The following PCDH9 variants were observed in gnomAD, a reference collection of about 807,000 sequenced individuals.
PCDH9 encodes protocadherin-9.
In PCDH9, 24 loss-of-function variants were observed where a neutral mutation model predicts 70.6. The ratio of observed to expected loss-of-function variants is 0.34; its 90% CI spans 0.25 to 0.48. The LOEUF is 0.48. Among genes scored for constraint, PCDH9 ranks in the 20% least tolerant of loss-of-function variants. The pLI, the probability that PCDH9 is intolerant of heterozygous loss-of-function variation, is 0.99. For missense variants in PCDH9, 1,281 were observed against 1,503.6 expected, an observed-to-expected ratio of 0.85 and a Z score of 2.45; for synonymous variants, 562 against 558.5, an observed-to-expected ratio of 1.01 and a Z score of -0.09.
chr13:66,396,139 G>C (rs1957097645), intron 4 of PCDH9, among the ~76,000 whole-genome samples: 1 of 152,134 alleles, frequency 6.6e-6, no homozygotes, highest in Non-Finnish European at 1.5e-5. Flanking sequence ...TTTAGGTATA[G>C]GGATGTTAAG....
At chr13:66,707,929 A>C (rs1354540247) in intron 3 of PCDH9, among the ~76,000 whole-genome samples, 4 of 152,308 alleles carry the variant, frequency 2.6e-5, no homozygotes, top group Non-Finnish European at 5.9e-5. Flanking sequence ...CCAATTTCTT[A>C]ACACCAATTT....
At chr13:66,820,406 T>C (rs917179756) in intron 3 of PCDH9, among the ~76,000 whole-genome samples, 14 of 152,196 alleles carry the variant, frequency 9.2e-5, no homozygotes, top group African/African-American at 3.1e-4. Context: ...GGTGGGAATA[T>C]AAATTAGTTC....
Position 67,065,755 on chromosome 13 carries a change from G to A in PCDH9, c.3036+159650C>T, listed in dbSNP as rs373313560. 4.6e-5 allele frequency among the ~76,000 whole-genome samples: 7 copies of A among 152,196 alleles called. No homozygotes were observed. The East Asian group carries it at 1.3e-3, about 29-fold the overall frequency. On this transcript the variant is annotated intron_variant, in intron 2 of 4. Coordinates refer to ENST00000377865, the MANE Select transcript of PCDH9 (RefSeq NM_203487.3). ...CAGAGCAGGTTTTACTGCAGGGCCA[G>A]TAGTCTTTCACTTGAAATGAAAAAT... is the stretch of plus-strand genomic sequence containing the variant.
chr13:66,407,597 T>G (rs1388843901), intron 4 of PCDH9, among the ~76,000 whole-genome samples: 1 of 152,172 alleles, frequency 6.6e-6, no homozygotes, highest in Non-Finnish European at 1.5e-5. Flanking sequence ...TCTTAAACAC[T>G]TCACTTCACT....
At chr13:66,543,855 C>T (rs964319837) in intron 4 of PCDH9, among the ~76,000 whole-genome samples, 2 of 152,072 alleles carry the variant, frequency 1.3e-5, no homozygotes, top group East Asian at 1.9e-4. Context: ...CTGAAATTAC[C>T]CTTGGATCAC....
intron 2 of PCDH9, among the ~76,000 whole-genome samples, chr13:67,140,023 T>TCA (rs148047014): frequency 5.7e-5 from 2 of 35,174 alleles, no homozygotes; most frequent in Non-Finnish European, 5.6e-5. Flanking sequence ...GATTTTTTGA[T>TCA]CACCCCCCCC....
chr13:67,023,640 T>C (rs188072681), intron 2 of PCDH9, among the ~76,000 whole-genome samples: 4 of 152,276 alleles, frequency 2.6e-5, no homozygotes, highest in South Asian at 2.1e-4. Flanking sequence ...CTCTTGAAGT[T>C]TGGAATCAAC....
At chr13:66,597,807 G>C (rs2077121569) in intron 4 of PCDH9, among the ~76,000 whole-genome samples, 1 of 151,650 alleles carries the variant, frequency 6.6e-6, no homozygotes, top group African/African-American at 2.4e-5. Context: ...TATGGAATGG[G>C]AGAAAATATT....
At chr13:66,508,724 C>A (rs1056218763) in intron 4 of PCDH9, among the ~76,000 whole-genome samples, 1 of 152,264 alleles carries the variant, frequency 6.6e-6, no homozygotes, top group Non-Finnish European at 1.5e-5. Context: ...ATGGATGATT[C>A]ATTCCTACTA....
At chr13:66,612,157 T>G (rs1009730988) in intron 4 of PCDH9, among the ~76,000 whole-genome samples, 4 of 152,194 alleles carry the variant, frequency 2.6e-5, no homozygotes, top group African/African-American at 9.7e-5. Flanking sequence ...ATCTGTGTGT[T>G]AGATCATGAA....
chr13:66,358,727 C>G (rs1239875123), intron 4 of PCDH9, among the ~76,000 whole-genome samples: 1 of 151,888 alleles, frequency 6.6e-6, no homozygotes, highest in Non-Finnish European at 1.5e-5. Context: ...ATTTCCATCT[C>G]CAACCTAACC....
chr13:66,874,942 T>TGTGTGTGAGAGAGA (rs533672911), intron 3 of PCDH9, among the ~76,000 whole-genome samples: 12 of 109,934 alleles, frequency 1.1e-4, no homozygotes, highest in African/African-American at 3.3e-4. Context: ...TGTGTGTGTG[T>TGTGTGTGAGAGAGA]GAGAGAGAGA....
chr13:66,570,771 C>A (rs1230084692), intron 4 of PCDH9, among the ~76,000 whole-genome samples: 1 of 151,948 alleles, frequency 6.6e-6, no homozygotes, highest in African/African-American at 2.4e-5. Context: ...CAACAGAATC[C>A]AAATATGACA....
intron 2 of PCDH9, among the ~76,000 whole-genome samples, chr13:66,916,487 AATCTGTG>A (rs2082559256): frequency 6.6e-6 from 1 of 151,570 alleles, no homozygotes; most frequent in Non-Finnish European, 1.5e-5. Flanking sequence ...ATCTCTTCAG[AATCTGTG>A]AGATCAAAAG....
chr13:66,322,734 G>T (rs1454789672), intron 4 of PCDH9, among the ~76,000 whole-genome samples: 1 of 151,966 alleles, frequency 6.6e-6, no homozygotes, highest in African/African-American at 2.4e-5. Context: ...GAAATTTTCT[G>T]AAGTAGATCC....
intron 4 of PCDH9, among the ~76,000 whole-genome samples, chr13:66,621,148 A>G (rs1337176417): frequency 6.6e-6 from 1 of 152,184 alleles, no homozygotes; most frequent in Admixed American, 6.5e-5. Context: ...GTTTATGACC[A>G]TTTGTCACCT....
At chr13:66,481,007 G>A (rs1363065858) in intron 4 of PCDH9, among the ~76,000 whole-genome samples, 1 of 152,086 alleles carries the variant, frequency 6.6e-6, no homozygotes, top group Non-Finnish European at 1.5e-5. Context: ...CATGTCCTTT[G>A]CAGGGACATG....
At chr13:66,523,297 A>C (rs749424114) in intron 4 of PCDH9, among the ~76,000 whole-genome samples, 12 of 152,092 alleles carry the variant, frequency 7.9e-5, no homozygotes, top group Non-Finnish European at 1.8e-4. Flanking sequence ...TTTATTTAAT[A>C]ATGGGAGTAA....
chr13:66,830,104 T>TG (rs2080899677), intron 3 of PCDH9, among the ~76,000 whole-genome samples: 1 of 152,114 alleles, frequency 6.6e-6, no homozygotes, highest in South Asian at 2.1e-4. Flanking sequence ...AAGAAAAATA[T>TG]GCAACATGAA....
Sources: allele counts gnomAD v4.1 joint callset (sites outside exome capture counted in the v4.1 genomes callset), GRCh38; gene constraint gnomAD v4.1.1; transcripts MANE v1.5; gene names NCBI Gene and HGNC (gene_info 2026-07-23, HGNC 2026-07-21).